Variants in TLE4 observed in about 807,000 individuals in gnomAD.
TLE4 encodes the protein transducin-like enhancer protein 4.
Under a neutral mutation model 92.8 loss-of-function variants are expected in TLE4, and 8 were observed. That is an observed-to-expected ratio of 0.09 (90% CI 0.05 to 0.16). TLE4 has a LOEUF of 0.16. Among genes scored for constraint, TLE4 ranks in the 10% least tolerant of loss-of-function variants. The pLI is 1.00. For synonymous variants in TLE4, 371 were observed against 374.1 expected (o/e 0.99, Z 0.10); for missense variants, 675 against 997.6 (o/e 0.68, Z 4.36).
intron 8 of TLE4, among the ~76,000 whole-genome samples, chr9:79,671,747 A>G (rs750850734): frequency 6.6e-6 from 1 of 152,014 alleles, no homozygotes; most frequent in Non-Finnish European, 1.5e-5. Flanking sequence ...CTTTGACAGA[A>G]GTATATCTGA....
At chr9:79,711,770 A>G (rs1222874095) in intron 14 of TLE4, among the ~76,000 whole-genome samples, 3 of 152,302 alleles carry the variant, frequency 2.0e-5, no homozygotes, top group African/African-American at 7.2e-5. Context: ...CGATGTTATA[A>G]AATGTTTAAA....
chr9:79,724,209 A>G (rs1413113183), intron 19 of TLE4, among the ~76,000 whole-genome samples: 2 of 149,890 alleles, frequency 1.3e-5, no homozygotes, highest in Non-Finnish European at 1.5e-5. Flanking sequence ...CATTTCTCAT[A>G]TCTGATCTCA....
At chr9:79,643,799 A>G (rs2057608088) in intron 6 of TLE4, among the ~76,000 whole-genome samples, 1 of 152,208 alleles carries the variant, frequency 6.6e-6, no homozygotes. Context: ...TGTAATATCG[A>G]TGGTTGAGTC....
At chr9:79,723,143 TTATGC>T (rs2075897434) in intron 19 of TLE4, 108 bp downstream of exon 19, 2 of 1,014,902 alleles carry the variant, frequency 2.0e-6, no homozygotes, top group African/African-American at 3.2e-5. Context: ...AGAGCTAGTA[TTATGC>T]ACATTGTACA....
intron 6 of TLE4, among the ~76,000 whole-genome samples, chr9:79,640,255 A>G (rs192443439): frequency 6.6e-6 from 1 of 152,240 alleles, no homozygotes; most frequent in Non-Finnish European, 1.5e-5. Context: ...AAGGATGTGG[A>G]AAAATGTTCT....
chr9:79,622,785 C>T (rs755939578), intron 5 of TLE4, among the ~76,000 whole-genome samples: 3 of 152,096 alleles, frequency 2.0e-5, no homozygotes, highest in Admixed American at 6.5e-5. Context: ...TCCCAGATGC[C>T]GCGGGAAGTG....
At chr9:79,624,430 G>T (rs1278948145) in intron 5 of TLE4, among the ~76,000 whole-genome samples, 3 of 152,098 alleles carry the variant, frequency 2.0e-5, no homozygotes, top group Non-Finnish European at 4.4e-5. Context: ...TTTGCCTTAG[G>T]GAGCTTCTAT....
intron 6 of TLE4, among the ~76,000 whole-genome samples, chr9:79,633,382 T>C (rs1054813307): frequency 6.6e-6 from 1 of 152,170 alleles, no homozygotes; most frequent in African/African-American, 2.4e-5. Flanking sequence ...CCAGCAATGC[T>C]ACAATTTTTC....
chr9:79,579,690 A>G (rs971135950), intron 4 of TLE4, among the ~76,000 whole-genome samples: 1 of 151,978 alleles, frequency 6.6e-6, no homozygotes, highest in Non-Finnish European at 1.5e-5. Context: ...GTATATATAT[A>G]TGTATATTTA....
At chr9:79,610,592 A>G (rs2048138514) in intron 4 of TLE4, among the ~76,000 whole-genome samples, 1 of 152,072 alleles carries the variant, frequency 6.6e-6, no homozygotes, top group African/African-American at 2.4e-5. Context: ...CATTGGCATG[A>G]CAACTTAAAG....
intron 11 of TLE4, chr9:79,707,228 G>A (rs1430930979): frequency 6.2e-7 from 1 of 1,608,634 alleles, no homozygotes; most frequent in African/African-American, 1.3e-5. Context: ...GGTAAATTTA[G>A]TTTGGGGCTT....
At chr9:79,634,687 A>C (rs1183463480) in intron 6 of TLE4, among the ~76,000 whole-genome samples, 5 of 152,154 alleles carry the variant, frequency 3.3e-5, no homozygotes, top group Non-Finnish European at 7.3e-5. Context: ...AACCATTGAA[A>C]ATGTGTCTTC....
intron 16 of TLE4, 88 bp from the exon 17 acceptor site, chr9:79,721,653 A>C: frequency 6.4e-7 from 1 of 1,569,640 alleles, no homozygotes; most frequent in South Asian, 1.2e-5. Context: ...TAAGGCCTGC[A>C]TTGAAATTGA....
At chr9:79,707,039 A>G in intron 11 of TLE4, 140 bp downstream of exon 11, 1 of 1,569,042 alleles carries the variant, frequency 6.4e-7, no homozygotes, top group Non-Finnish European at 8.7e-7. Context: ...TTTAAGTTTA[A>G]TTGGCAAAAG....
intron 8 of TLE4, among the ~76,000 whole-genome samples, chr9:79,696,149 TA>T (rs376936426): frequency 3.9e-5 from 6 of 151,938 alleles, no homozygotes; most frequent in Non-Finnish European, 8.8e-5. Flanking sequence ...CAGTTAGTAC[TA>T]AAAAAAATGT....
intron 7 of TLE4, 44 bp downstream of exon 7, chr9:79,652,838 C>T (rs769003108): frequency 9.5e-6 from 15 of 1,584,086 alleles, no homozygotes; most frequent in South Asian, 2.2e-5. Flanking sequence ...GACCTACTTG[C>T]TGCTGAGGGT....
chr9:79,647,184 A>G (rs1202265881), intron 6 of TLE4, among the ~76,000 whole-genome samples: 1 of 152,180 alleles, frequency 6.6e-6, no homozygotes, highest in Non-Finnish European at 1.5e-5. Context: ...TTAATTTCTT[A>G]GTTTTGATAA....
intron 4 of TLE4, among the ~76,000 whole-genome samples, chr9:79,583,629 C>CATTATT (rs562910936): frequency 1.3e-5 from 2 of 151,590 alleles, no homozygotes; most frequent in Admixed American, 6.6e-5. Context: ...TTATTTAACT[C>CATTATT]ATTATTATTA....
intron 8 of TLE4, among the ~76,000 whole-genome samples, chr9:79,698,716 A>G (rs2068917053): frequency 6.6e-6 from 1 of 152,098 alleles, no homozygotes; most frequent in Non-Finnish European, 1.5e-5. Flanking sequence ...CAAGTTTTTT[A>G]CCACCAGCAT....
Sources: allele counts gnomAD v4.1 joint callset (sites outside exome capture counted in the v4.1 genomes callset), GRCh38; gene constraint gnomAD v4.1.1; transcripts MANE v1.5; gene names NCBI Gene and HGNC (gene_info 2026-07-23, HGNC 2026-07-21).